Variants in RALYL observed in about 807,000 individuals in gnomAD.
RALYL encodes RALY RNA binding protein like.
Under a neutral mutation model 35.1 loss-of-function variants are expected in RALYL, and 29 were observed. That is an observed-to-expected ratio of 0.83 (90% CI 0.61 to 1.13). The LOEUF is 1.13. RALYL is among the 50% of genes most tolerant of loss of function. RALYL has a pLI of 0.00. For missense variants in RALYL, 359 were observed against 360.4 expected, an observed-to-expected ratio of 1.00 and a Z score of 0.03; for synonymous variants, 120 against 127.6, an observed-to-expected ratio of 0.94 and a Z score of 0.40.
At chr8:84,713,123 A>G (rs760636269) in intron 2 of RALYL, among the ~76,000 whole-genome samples, 3 of 151,900 alleles carry the variant, frequency 2.0e-5, no homozygotes, top group Admixed American at 2.0e-4. Context: ...AGTTCATTGT[A>G]TTTTTGTATA....
intron 1 of RALYL, among the ~76,000 whole-genome samples, chr8:84,234,953 C>G (rs767728737): frequency 6.6e-6 from 1 of 151,710 alleles, no homozygotes; most frequent in Non-Finnish European, 1.5e-5. Flanking sequence ...TTAGTAGAGA[C>G]GGAGTTTCAC....
intron 1 of RALYL, among the ~76,000 whole-genome samples, chr8:84,342,798 G>C (rs368094671): frequency 9.2e-5 from 14 of 152,138 alleles, no homozygotes; most frequent in African/African-American, 3.1e-4. Flanking sequence ...GTCTGGGTGG[G>C]AAAATCTGAT....
intron 1 of RALYL, among the ~76,000 whole-genome samples, chr8:84,312,129 T>C (rs968811291): frequency 1.3e-5 from 2 of 152,030 alleles, no homozygotes; most frequent in African/African-American, 4.8e-5. Context: ...AGGAGAGAGA[T>C]AGCAAGGGCA....
chr8:84,383,014 T>C (rs927979566), intron 1 of RALYL, among the ~76,000 whole-genome samples: 3 of 151,824 alleles, frequency 2.0e-5, no homozygotes, highest in African/African-American at 7.2e-5. Context: ...AGTCATTATA[T>C]TCTCAGTGTT....
At chr8:84,367,944 TC>T (rs368269757) in intron 1 of RALYL, among the ~76,000 whole-genome samples, 1 of 152,160 alleles carries the variant, frequency 6.6e-6, no homozygotes, top group African/African-American at 2.4e-5. Flanking sequence ...TTAAAAAAAG[TC>T]ACCTTTTCCT....
chr8:84,854,300 C>T (rs191990360), intron 5 of RALYL, among the ~76,000 whole-genome samples: 33 of 151,140 alleles, frequency 2.2e-4, no homozygotes, highest in African/African-American at 6.8e-4. Context: ...GAGCCGAGAT[C>T]GTGCCACTGC....
rs191509843 is a variant in RALYL, at chr8:84,623,155, A to G, written c.256+93578A>G. Among the ~76,000 whole-genome samples, 258 of 152,346 alleles carry G rather than the reference A, an allele frequency of 1.7e-3. 1 individual carries two copies. Among genetic ancestry groups the G allele is most frequent in the Non-Finnish European group, 3.1e-3 (212 of 68,036 alleles). On this transcript the variant is annotated intron_variant, in intron 2 of 8. Coordinates refer to ENST00000521268, the MANE Select transcript of RALYL (RefSeq NM_173848.7). ...TTATTCCATTTTCAAAGATTAGCTC[A>G]GTTCCACTTGTCAGCTGGGACATGC...
At chr8:84,318,349 T>C (rs182711964) in intron 1 of RALYL, among the ~76,000 whole-genome samples, 80 of 152,302 alleles carry the variant, frequency 5.3e-4, no homozygotes, top group Middle Eastern at 6.8e-3. Flanking sequence ...TGTTATCAGC[T>C]TAATTATCTT....
At chr8:84,634,328 G>T (rs1824563837) in intron 2 of RALYL, among the ~76,000 whole-genome samples, 1 of 151,716 alleles carries the variant, frequency 6.6e-6, no homozygotes, top group South Asian at 2.1e-4. Context: ...GCCTTTCAAA[G>T]GCCTGTGCTC....
intron 1 of RALYL, among the ~76,000 whole-genome samples, chr8:84,470,254 TA>T (rs2052536278): frequency 6.6e-6 from 1 of 152,174 alleles, no homozygotes; most frequent in South Asian, 2.1e-4. Context: ...GCAATAACAT[TA>T]AGAGAATGAT....
At chr8:84,202,631 C>G (rs2131030302) in intron 1 of RALYL, among the ~76,000 whole-genome samples, 1 of 152,206 alleles carries the variant, frequency 6.6e-6, no homozygotes, top group East Asian at 1.9e-4. Context: ...CTTGGCCTCC[C>G]AAAGTGCTGG....
At chr8:84,418,496 AC>A (rs1387245456) in intron 1 of RALYL, among the ~76,000 whole-genome samples, 5 of 152,036 alleles carry the variant, frequency 3.3e-5, no homozygotes, top group South Asian at 2.1e-4. Context: ...ACTGAGAAGG[AC>A]CCTAAAATGA....
chr8:84,565,081 C>G (rs749236211), intron 2 of RALYL, among the ~76,000 whole-genome samples: 1 of 151,500 alleles, frequency 6.6e-6, no homozygotes, highest in Non-Finnish European at 1.5e-5. Flanking sequence ...ATATTAGCAG[C>G]TTCCCTGAGA....
chr8:84,423,127 C>T (rs2132450263), intron 1 of RALYL, among the ~76,000 whole-genome samples: 1 of 150,628 alleles, frequency 6.6e-6, no homozygotes. Context: ...TCTCGTTGAT[C>T]TGTCTAATGT....
At chr8:84,836,487 T>C (rs1420881931) in intron 4 of RALYL, among the ~76,000 whole-genome samples, 2 of 152,220 alleles carry the variant, frequency 1.3e-5, no homozygotes, top group Non-Finnish European at 2.9e-5. Flanking sequence ...TGAAAATAAA[T>C]TGAATATTTC....
chr8:84,359,300 T>A (rs1852474319), intron 1 of RALYL, among the ~76,000 whole-genome samples: 1 of 151,852 alleles, frequency 6.6e-6, no homozygotes, highest in Non-Finnish European at 1.5e-5. Flanking sequence ...TCTTTTAGGT[T>A]TCTACTGAAT....
At chr8:84,215,759 C>T (rs1820657304) in intron 1 of RALYL, among the ~76,000 whole-genome samples, 1 of 152,038 alleles carries the variant, frequency 6.6e-6, no homozygotes, top group African/African-American at 2.4e-5. Flanking sequence ...ACTGCCTATA[C>T]TAATTGATCT....
At chr8:84,223,181 T>TTCCCTTCCCTTCCCTTCCATTCC (rs1409181359) in intron 1 of RALYL, among the ~76,000 whole-genome samples, 6 of 110,954 alleles carry the variant, frequency 5.4e-5, no homozygotes, top group African/African-American at 2.4e-4. Context: ...TTCCCTTCCC[T>TTCCCTTCCCTTCCCTTCCATTCC]TCCCTTCCCT....
chr8:84,400,036 G>A (rs1364634183), intron 1 of RALYL, among the ~76,000 whole-genome samples: 2 of 152,102 alleles, frequency 1.3e-5, no homozygotes, highest in African/African-American at 4.8e-5. Flanking sequence ...AGAGTCACTC[G>A]AACCCAGAGG....
Sources: allele counts gnomAD v4.1 joint callset (sites outside exome capture counted in the v4.1 genomes callset), GRCh38; gene constraint gnomAD v4.1.1; transcripts MANE v1.5; gene names NCBI Gene and HGNC (gene_info 2026-07-23, HGNC 2026-07-21).